The following TBCD variants were observed in gnomAD, a reference collection of about 807,000 sequenced individuals.
The protein encoded by TBCD is tubulin folding cofactor D, also known as tubulin-specific chaperone D.
A neutral mutation model predicts 169.3 loss-of-function variants in TBCD; 105 were observed. The observed-to-expected ratio is 0.62, with a 90% CI of 0.53 to 0.73. The LOEUF (loss-of-function observed/expected upper bound fraction) is 0.73, where lower values mean the gene tolerates loss of function less well. Ranked by LOEUF, TBCD falls within the 30% of genes least tolerant of loss-of-function variation. TBCD has a pLI of 0.00. For missense variants in TBCD, 1,444 were observed against 1,600.1 expected (o/e 0.90, Z 1.66); for synonymous variants, 700 against 643.9 (o/e 1.09, Z -1.32).
rs28666535 is a variant in TBCD at position 82,846,331 on chromosome 17, T to C, written c.1319-23893T>C. Reference sequence around the variant, plus strand: ...GTGCTGCGTCCAGCGTGCCGTGTCCTCTCGTCCAGCCCTCTGCTGCCCCCT... The same window carrying C: ...GTGCTGCGTCCAGCGTGCCGTGTCCCCTCGTCCAGCCCTCTGCTGCCCCCT... On this transcript the variant is annotated intron_variant, in intron 13 of 38. Transcript: ENST00000355528. 3.5e-3 allele frequency among the ~76,000 whole-genome samples: 276 copies of C among 79,022 alleles called. 6 individuals carry two copies. The highest frequency in any genetic ancestry group is 4.4e-3 in the East Asian group (9 of 2,038). 51.8% of individuals were successfully genotyped at this position (79,022 alleles called of 152,430 possible). A position where few individuals can be genotyped will look rare whatever the true frequency, so the allele number is the denominator to read the frequency against.
At chr17:82,941,600 T>C in intron 38 of TBCD, 117 bp downstream of exon 38, 1 of 902,028 alleles carries the variant, frequency 1.1e-6, no homozygotes. Flanking sequence ...CGTTCCCTCG[T>C]CTCATGTCAG....
intron 2 of TBCD, among the ~76,000 whole-genome samples, chr17:82,756,813 TTTAG>T (rs1236848942): frequency 7.9e-5 from 12 of 152,166 alleles, no homozygotes; most frequent in African/African-American, 2.7e-4. Context: ...AGTTTATTAT[TTTAG>T]TTTACATTTG....
chr17:82,862,158 A>G (rs8065192), intron 13 of TBCD, among the ~76,000 whole-genome samples: 92,540 of 151,838 alleles, frequency 0.61, 28,206 homozygotes, highest in East Asian at 0.71. Flanking sequence ...TCCTGACCTC[A>G]TGATCTGCCC....
Position 82,930,269 on chromosome 17 carries a change from G to A in TBCD, c.2992-253G>A, listed in dbSNP as rs532569607. On this transcript the variant is annotated intron_variant, in intron 32 of 38. Transcript: ENST00000355528. The surrounding 1 kb of genome is among the most constrained non-coding windows in gnomAD (Gnocchi z 5.2). ...GTGAGTGGCCGCAGCCTTTCGTCAC[G>A]TGCTCTCCCGCATGTCCTAAGTGAG... The A allele has an allele frequency of 2.0e-5, 10 of 503,258 alleles. No homozygotes were observed. Among genetic ancestry groups the A allele is most frequent in the Admixed American group, 3.6e-5 (1 of 27,584 alleles). 31.2% of individuals were successfully genotyped at this position (503,258 alleles called of 1,614,324 possible). A position where few individuals can be genotyped will look rare whatever the true frequency, so the allele number is the denominator to read the frequency against.
chr17:82,762,304 A>C (rs934068165), intron 2 of TBCD, among the ~76,000 whole-genome samples: 1 of 132,062 alleles, frequency 7.6e-6, no homozygotes, highest in Non-Finnish European at 1.6e-5. Flanking sequence ...TGATAGAGCG[A>C]GACTCCGTCT....
rs371683407 is a variant in TBCD at position 82,889,935 on chromosome 17, G to A, written c.1563+238G>A. ...GCCGGAAAGCTGTGCTTTACACGTTGCCAAGAGCCACATAATGTGGCTCTG... is the reference window on the plus strand; with the variant it reads ...GCCGGAAAGCTGTGCTTTACACGTTACCAAGAGCCACATAATGTGGCTCTG... On this transcript the variant is annotated intron_variant, in intron 16 of 38. Coordinates refer to ENST00000355528, the MANE Select transcript of TBCD (RefSeq NM_005993.5). This position sits in a 1 kb window ranked among gnomAD's most constrained non-coding sequence, Gnocchi z 5.3. Among the ~76,000 whole-genome samples, 21 of 152,368 alleles carry A rather than the reference G, an allele frequency of 1.4e-4. No homozygotes were observed. The East Asian group carries it at 4.0e-3, about 29-fold the overall frequency.
At position 82,920,506 on chromosome 17, in the gene TBCD, C is replaced by T. The variant is rs191075585; in HGVS notation, c.2039-50C>T. ...GGCAAAGGCAAGCCGCTGTGGCAGG[C>T]GCTTTTAGAAAAGTAACATTGCGTC... On this transcript the variant is annotated intron_variant, in intron 23 of 38. Coordinates refer to ENST00000355528, the MANE Select transcript of TBCD (RefSeq NM_005993.5). The surrounding 1 kb of genome is among the most constrained non-coding windows in gnomAD (Gnocchi z 4.1). 4.2e-4 allele frequency: 622 copies of T among 1,483,510 alleles called. No individual in the cohort carries two copies. The highest frequency in any genetic ancestry group is 5.2e-4 in the Non-Finnish European group (578 of 1,105,760). 91.9% of individuals were successfully genotyped at this position (1,483,510 alleles called of 1,614,324 possible).
At chr17:82,801,868 G>A (rs1457722334) in intron 9 of TBCD, among the ~76,000 whole-genome samples, 4 of 146,902 alleles carry the variant, frequency 2.7e-5, no homozygotes, top group East Asian at 2.1e-4. Flanking sequence ...GCAGGAGGGC[G>A]TCGTGTGCGT....
rs543593033 is a variant in TBCD, at chr17:82,890,438, G to A, written c.1563+741G>A. On this transcript the variant is annotated intron_variant, in intron 16 of 38. Coordinates refer to ENST00000355528, the MANE Select transcript of TBCD (RefSeq NM_005993.5). This position sits in a 1 kb window ranked among gnomAD's most constrained non-coding sequence, Gnocchi z 5.3. ...GGGCTGTGGCCAGGTGGTGTGGGGCGGCATGGGGTGGACGTGGGCCTGCGG... is the reference window on the plus strand; with the variant it reads ...GGGCTGTGGCCAGGTGGTGTGGGGCAGCATGGGGTGGACGTGGGCCTGCGG... Among the ~76,000 whole-genome samples, 3 of 152,306 alleles carry A rather than the reference G, an allele frequency of 2.0e-5. No homozygotes were observed. Among genetic ancestry groups the A allele is most frequent in the South Asian group, 2.1e-4 (1 of 4,826 alleles).
Position 82,927,251 on chromosome 17 carries a change from C to T in TBCD, c.2537C>T (p.Ser846Phe). 6.2e-7 allele frequency: 1 copy of T among 1,613,996 alleles called. No individual in the cohort carries two copies. The highest frequency in any genetic ancestry group is 1.1e-5 in the South Asian group (1 of 91,066). The change falls in exon 29 of 39, where the codon TCC (serine) becomes TTC (phenylalanine). Residue 846 changes from serine to phenylalanine, a missense_variant. Transcript: ENST00000355528. ...GAAGCTGTGTGCGGAGAGAATGTTTCCCAGATTTACTGTGCGCTGCTGGGC... is the reference window on the plus strand; with the variant it reads ...GAAGCTGTGTGCGGAGAGAATGTTTTCCAGATTTACTGTGCGCTGCTGGGC... ...PDEAVCGENV[S>F]QIYCALLGCM...
rs1333976299 is a variant in TBCD at position 82,864,846 on chromosome 17, C to T, written c.1319-5378C>T. On this transcript the variant is annotated intron_variant, in intron 13 of 38. Coordinates refer to ENST00000355528, the MANE Select transcript of TBCD (RefSeq NM_005993.5). The surrounding 1 kb of genome is among the most constrained non-coding windows in gnomAD (Gnocchi z 6.3). ...GCACCGTGGGGACAGCGGGGGCCTG[C>T]TCACTCCCCGGGGCACCGTGGGGAC... Among the ~76,000 whole-genome samples the T allele has an allele frequency of 2.8e-5, 1 of 35,446 alleles. No individual in the cohort carries two copies. The highest frequency in any genetic ancestry group is 6.5e-5 in the Non-Finnish European group (1 of 15,290). 23.3% of individuals were successfully genotyped at this position (35,446 alleles called of 152,430 possible).
At chr17:82,863,898 TTA>T (rs2056972100) in intron 13 of TBCD, among the ~76,000 whole-genome samples, 2 of 152,294 alleles carry the variant, frequency 1.3e-5, no homozygotes, top group African/African-American at 4.8e-5. Context: ...GTGGAGCTTT[TTA>T]TAGAGTTGTG....
At chr17:82,927,142 G>A (rs769235621) in intron 28 of TBCD, 44 bp from the exon 29 acceptor site, 19 of 1,611,470 alleles carry the variant, frequency 1.2e-5, no homozygotes, top group Non-Finnish European at 1.6e-5. Context: ...GGAAGATGAG[G>A]CTCACCGATG....
intron 13 of TBCD, chr17:82,838,514 G>T (rs1567865250): frequency 2.4e-6 from 1 of 410,642 alleles, no homozygotes. Flanking sequence ...CTCGGCTGGA[G>T]CATTGTGAAG....
At chr17:82,765,495 C>T (rs1255800848) in intron 3 of TBCD, among the ~76,000 whole-genome samples, 2 of 152,156 alleles carry the variant, frequency 1.3e-5, no homozygotes, top group African/African-American at 2.4e-5. Context: ...TATGGAAGTA[C>T]TCACAGCCGT....
In TBCD at chr17:82,884,079, C is replaced by G. The variant is rs1035732384; in HGVS notation, c.1476-66C>G. The stretch of plus-strand genomic sequence containing the variant: ...AGTCGTGAGAGAAAGGCTTTCTCAT[C>G]GATACTGTGTGGTCTGTACTGTTTT... On this transcript the variant is annotated intron_variant, in intron 14 of 38. Coordinates refer to ENST00000355528, the MANE Select transcript of TBCD (RefSeq NM_005993.5). This position sits in a 1 kb window ranked among gnomAD's most constrained non-coding sequence, Gnocchi z 4.2. The G allele has an allele frequency of 6.8e-7, 1 of 1,464,100 alleles. No individual in the cohort carries two copies. Among genetic ancestry groups the G allele is most frequent in the African/African-American group, 1.4e-5 (1 of 71,214 alleles). 90.7% of individuals were successfully genotyped at this position (1,464,100 alleles called of 1,614,324 possible). A position where few individuals can be genotyped will look rare whatever the true frequency, so the allele number is the denominator to read the frequency against.
chr17:82,783,769 G>C (rs1354066604), intron 7 of TBCD, among the ~76,000 whole-genome samples: 2 of 152,206 alleles, frequency 1.3e-5, no homozygotes, highest in Non-Finnish European at 2.9e-5. Flanking sequence ...CAGTGTGTGG[G>C]TATTTTCTGC....
chr17:82,871,879 G>C (rs1248527328), intron 14 of TBCD, among the ~76,000 whole-genome samples: 1 of 152,190 alleles, frequency 6.6e-6, no homozygotes, highest in African/African-American at 2.4e-5. Context: ...TCACGCACCC[G>C]GGTGTAAGCG....
intron 13 of TBCD, among the ~76,000 whole-genome samples, chr17:82,856,114 A>G (rs1008965660): frequency 1.4e-5 from 2 of 147,814 alleles, no homozygotes; most frequent in African/African-American, 5.0e-5. Context: ...TTGTGATTAC[A>G]GGCATGAGCC....
Sources: allele counts gnomAD v4.1 joint callset (sites outside exome capture counted in the v4.1 genomes callset), GRCh38; gene constraint gnomAD v4.1.1; non-coding constraint Gnocchi (gnomAD v3.1); transcripts MANE v1.5; gene names NCBI Gene and HGNC (gene_info 2026-07-23, HGNC 2026-07-21).